The following NKTR variants were observed in gnomAD, a reference collection of about 807,000 sequenced individuals.
NKTR encodes the protein natural killer cell triggering receptor, also known as NK-tumor recognition protein.
Under a neutral mutation model 156.3 loss-of-function variants are expected in NKTR, and 67 were observed. The observed-to-expected ratio is 0.43, with a 90% confidence interval of 0.35 to 0.53. NKTR has a LOEUF of 0.53. Ranked by LOEUF, NKTR falls within the 20% of genes least tolerant of loss-of-function variation. NKTR has a pLI of 0.01. For synonymous variants in NKTR, 640 were observed against 596.6 expected, an observed-to-expected ratio of 1.07 and a Z score of -1.06; for missense variants, 1,604 against 1,730.9, an observed-to-expected ratio of 0.93 and a Z score of 1.30.
At chr3:42,628,686 C>T in intron 6 of NKTR, 5 of 985,364 alleles carry the variant, frequency 5.1e-6, no homozygotes, top group South Asian at 4.7e-5. Context: ...ATCCCTTACA[C>T]TGTAGAAAAA....
At position 42,638,048 on chromosome 3, in the gene NKTR, C is replaced by G. The variant is rs972325624; in HGVS notation, c.2344C>G (p.His782Asp). The change falls in exon 13 of 17, where the codon CAC becomes GAC. Residue 782 changes from histidine (H) to aspartate (D), a missense_variant. Transcript: ENST00000232978. ...KHSSSSEKTL[H>D]SKYVKGRDRS... ...TAGCAGCAGCTCTGAAAAGACACTT[C>G]ACAGTAAATATGTCAAAGGTAGAGA... 6.2e-7 allele frequency: 1 copy of G among 1,614,032 alleles called. No individual in the cohort carries two copies. Among genetic ancestry groups the G allele is most frequent in the Non-Finnish European group, 8.5e-7 (1 of 1,180,040 alleles).
At chr3:42,643,492 A>C in intron 15 of NKTR, 97 bp downstream of exon 15, 1 of 986,262 alleles carries the variant, frequency 1.0e-6, no homozygotes, top group Non-Finnish European at 1.6e-6. Context: ...GAGTAACTAA[A>C]TGCATATATT....
At chr3:42,620,543 C>G in intron 5 of NKTR, 2 of 984,636 alleles carry the variant, frequency 2.0e-6, no homozygotes, top group East Asian at 1.1e-4. Context: ...GATTACTACT[C>G]TTTTTCAGAA....
chr3:42,618,684 G>T (rs2125781647), intron 3 of NKTR, among the ~76,000 whole-genome samples: 1 of 152,170 alleles, frequency 6.6e-6, no homozygotes, highest in African/African-American at 2.4e-5. Context: ...CTGACCTCAA[G>T]TGATCTGCCT....
rs767007251 is a variant in NKTR at position 42,637,993 on chromosome 3, G to GA, written c.2297dup (p.Asn766LysfsTer2). On this transcript the variant is annotated frameshift_variant, in exon 13 of 17. Coordinates refer to ENST00000232978, the MANE Select transcript of NKTR (RefSeq NM_005385.4). LOFTEE classifies it high-confidence loss of function. ...CTAAGAGGAGACTTAGATCCAGTGG[G>GA]AAAAAAAATAGCGTTTCACATAAAA... is the stretch of plus-strand genomic sequence containing the variant. The GA allele has an allele frequency of 3.7e-6, 6 of 1,612,628 alleles. No homozygotes were observed. The highest frequency in any genetic ancestry group is 1.3e-5 in the African/African-American group (1 of 74,838).
chr3:42,602,889 CTT>C (rs968935072), intron 2 of NKTR: 7 of 151,438 alleles, frequency 4.6e-5, no homozygotes, highest in African/African-American at 1.5e-4. Flanking sequence ...TGGTGGCTCT[CTT>C]AGTTTTTGCC....
chr3:42,630,649 G>C (rs1356939476), intron 7 of NKTR, 74 bp downstream of exon 7: 2 of 1,602,876 alleles, frequency 1.2e-6, no homozygotes, highest in Non-Finnish European at 1.7e-6. Context: ...GACCATGGTT[G>C]AGCCCTCAAG....
In NKTR at chr3:42,638,796, A is replaced by G. The variant is rs756718068; in HGVS notation, c.3092A>G (p.Asp1031Gly). Residue 1031 changes from aspartate (D) to glycine (G), a missense_variant, in exon 13 of 17, where the codon GAT becomes GGT. Asp to Gly is a moderately conservative substitution (Grantham distance 94). Around this residue, in one of 6 missense-constraint regions of NKTR, gnomAD observed 1,255 missense variants for 1,243.7 expected, o/e 1.01. Coordinates refer to ENST00000232978, the MANE Select transcript of NKTR (RefSeq NM_005385.4). ...EFGEEEEEEI[D>G]DKQVTQESKE... ...GGTGAAGAGGAGGAGGAGGAGATTG[A>G]TGACAAGCAAGTTACTCAGGAATCA... The G allele has an allele frequency of 2.5e-6, 4 of 1,611,846 alleles. No homozygotes were observed. In the South Asian group the frequency reaches 4.4e-5, roughly 18 times the overall value.
intron 10 of NKTR, among the ~76,000 whole-genome samples, chr3:42,634,090 C>A (rs1278068792): frequency 6.6e-6 from 1 of 152,150 alleles, no homozygotes; most frequent in Non-Finnish European, 1.5e-5. Context: ...TAGTTGAATT[C>A]TTTGGATCCA....
At chr3:42,602,948 C>G (rs977247589) in intron 2 of NKTR, 2 of 150,990 alleles carry the variant, frequency 1.3e-5, no homozygotes, top group Admixed American at 1.3e-4. Flanking sequence ...ACTGCTTGAG[C>G]CTGGGAAGCA....
chr3:42,629,057 G>A (rs1159221403), intron 6 of NKTR: 3 of 918,606 alleles, frequency 3.3e-6, no homozygotes, highest in East Asian at 1.2e-4. Flanking sequence ...ATATAATAGA[G>A]TCACTAGCTT....
chr3:42,608,507 C>T (rs1482131834), intron 2 of NKTR, among the ~76,000 whole-genome samples: 1 of 152,154 alleles, frequency 6.6e-6, no homozygotes, highest in Non-Finnish European at 1.5e-5. Flanking sequence ...ACATGTCGCC[C>T]TCCCTCATTG....
intron 6 of NKTR, chr3:42,629,553 T>C (rs1708703719): frequency 1.0e-6 from 1 of 984,524 alleles, no homozygotes; most frequent in African/African-American, 1.7e-5. Context: ...TGGCAGCTTC[T>C]AGTACAGTTG....
Position 42,637,088 on chromosome 3 carries a change from C to T in NKTR, c.1384C>T (p.Pro462Ser). ...AACAAAGAAGAGAAGGATTCTTATACCGTCTGACATAGAATCCTCAAAATC... is the reference window on the plus strand; with the variant it reads ...AACAAAGAAGAGAAGGATTCTTATATCGTCTGACATAGAATCCTCAAAATC... ...KQTKKRRILI[P>S]SDIESSKSST... The change falls in exon 13 of 17, where the codon CCG becomes TCG. Residue 462 changes from proline to serine, a missense_variant. Around this residue, in one of 6 missense-constraint regions of NKTR, gnomAD observed 1,255 missense variants for 1,243.7 expected, o/e 1.01. Coordinates refer to ENST00000232978, the MANE Select transcript of NKTR (RefSeq NM_005385.4). 1 of 1,606,604 alleles carries T rather than the reference C, an allele frequency of 6.2e-7. No individual in the cohort carries two copies. Among genetic ancestry groups the T allele is most frequent in the South Asian group, 1.1e-5 (1 of 89,674 alleles).
intron 11 of NKTR, 64 bp from the exon 12 acceptor site, chr3:42,635,157 C>A (rs1178358805): frequency 3.6e-5 from 47 of 1,319,464 alleles, no homozygotes; most frequent in Non-Finnish European, 4.8e-5. Flanking sequence ...TTACTTAACT[C>A]TGTCACATAG....
chr3:42,602,524 CAG>C (rs10588617), intron 2 of NKTR: 42,418 of 151,634 alleles, frequency 0.28, 6,582 homozygotes, highest in East Asian at 0.47. Flanking sequence ...AGGACTGACT[CAG>C]TGAGGTAGGA....
At chr3:42,627,476 G>T (rs1708493948) in intron 6 of NKTR, 2 of 985,206 alleles carry the variant, frequency 2.0e-6, no homozygotes, top group Non-Finnish European at 2.4e-6. Context: ...TTAGTTTATA[G>T]TATGGTTTTA....
At chr3:42,602,991 A>C (rs936085675) in intron 2 of NKTR, 3 of 150,700 alleles carry the variant, frequency 2.0e-5, no homozygotes, top group Non-Finnish European at 4.4e-5. Flanking sequence ...ATACCACTGC[A>C]TGTCAGCCTG....
At chr3:42,614,151 TTGAG>T (rs1707115849) in intron 2 of NKTR, among the ~76,000 whole-genome samples, 1 of 152,194 alleles carries the variant, frequency 6.6e-6, no homozygotes, top group African/African-American at 2.4e-5. Flanking sequence ...ATAGTATTTG[TTGAG>T]TAACAAATTT....
Sources: gnomAD v4.1 joint callset for allele counts (sites outside exome capture counted in the v4.1 genomes callset) on GRCh38, gnomAD v4.1.1 for gene constraint, gnomAD v4.1.1 regional missense constraint, MANE v1.5 for transcripts, NCBI Gene and HGNC (gene_info 2026-07-23, HGNC 2026-07-21) for gene names.